The following FRMD4A variants were observed in gnomAD, a reference collection of about 807,000 sequenced individuals.
The protein encoded by FRMD4A is FERM domain containing 4A.
In FRMD4A, 29 loss-of-function variants were observed where a neutral mutation model predicts 129.1. That is an observed-to-expected ratio of 0.22 (90% confidence interval 0.17 to 0.31). The LOEUF is 0.31. Among genes scored for constraint, FRMD4A ranks in the 10% least tolerant of loss-of-function variants. The pLI is 1.00. For synonymous variants in FRMD4A, 634 were observed against 571.6 expected, an observed-to-expected ratio of 1.11 and a Z score of -1.56; for missense variants, 1,272 against 1,375.8, an observed-to-expected ratio of 0.92 and a Z score of 1.19.
At chr10:14,076,320 C>T (rs752462057) in intron 2 of FRMD4A, among the ~76,000 whole-genome samples, 2 of 152,144 alleles carry the variant, frequency 1.3e-5, no homozygotes, top group Non-Finnish European at 2.9e-5. Flanking sequence ...TTAAAGCCAT[C>T]ATGTAATGAA....
At position 14,158,731 on chromosome 10, in the gene FRMD4A, AG is replaced by A. The variant is rs143686512; in HGVS notation, c.45+171326del. Among the ~76,000 whole-genome samples, 545 of 150,530 alleles carry A rather than the reference AG, an allele frequency of 3.6e-3. 5 individuals carry two copies. The highest frequency in any genetic ancestry group is 0.034 in the East Asian group (175 of 5,096). On this transcript the variant is annotated intron_variant, in intron 2 of 24. Coordinates refer to ENST00000357447, the MANE Select transcript of FRMD4A (RefSeq NM_018027.5). The stretch of plus-strand genomic sequence containing the variant: ...AGGAGTAGGAGGAAGAGGAGGATGA[AG>A]AAGAGGAAAAGGAGGAGGAGGTGGA...
At chr10:14,055,459 AC>A (rs1834473304) in intron 2 of FRMD4A, among the ~76,000 whole-genome samples, 4,925 of 111,314 alleles carry the variant, frequency 0.044, 245 homozygotes, top group African/African-American at 0.17. Context: ...ACACACACAC[AC>A]AAACACACAC....
intron 22 of FRMD4A, chr10:13,655,986 T>C (rs1241383580): frequency 2.0e-5 from 3 of 152,142 alleles, no homozygotes; most frequent in Non-Finnish European, 4.4e-5. Context: ...CGCCCAATGC[T>C]CTTGAGTATG....
intron 2 of FRMD4A, among the ~76,000 whole-genome samples, chr10:13,897,330 TG>T (rs1278181226): frequency 6.6e-6 from 1 of 152,192 alleles, no homozygotes; most frequent in African/African-American, 2.4e-5. Flanking sequence ...CAGCAGGATT[TG>T]GAGAGCTGAA....
At chr10:13,866,281 C>T (rs773345385) in intron 2 of FRMD4A, 41 of 982,820 alleles carry the variant, frequency 4.2e-5, no homozygotes, top group Non-Finnish European at 4.7e-5. Context: ...ACGTCTTCCC[C>T]GAGCACAGTC....
intron 5 of FRMD4A, among the ~76,000 whole-genome samples, chr10:13,787,324 C>T (rs965452124): frequency 4.7e-4 from 71 of 152,292 alleles, no homozygotes; most frequent in African/African-American, 1.6e-3. Flanking sequence ...GAGTCAAAAA[C>T]GCCTGCAGAG....
chr10:13,841,600 T>C (rs1424872438), intron 3 of FRMD4A, among the ~76,000 whole-genome samples: 2 of 152,128 alleles, frequency 1.3e-5, no homozygotes, highest in East Asian at 1.9e-4. Context: ...AGCCTTCCCG[T>C]TGGTGAAAAG....
intron 5 of FRMD4A, among the ~76,000 whole-genome samples, chr10:13,792,386 A>C (rs1203332846): frequency 6.6e-6 from 1 of 152,088 alleles, no homozygotes; most frequent in Non-Finnish European, 1.5e-5. Flanking sequence ...AGGGATACAC[A>C]GGATCTCTTG....
intron 2 of FRMD4A, among the ~76,000 whole-genome samples, chr10:14,308,794 G>A (rs1564455229): frequency 6.6e-6 from 1 of 152,108 alleles, no homozygotes; most frequent in Non-Finnish European, 1.5e-5. Flanking sequence ...ATAATCACAT[G>A]GTACTTACAA....
At chr10:14,198,472 G>T (rs1054186479) in intron 2 of FRMD4A, among the ~76,000 whole-genome samples, 1 of 152,186 alleles carries the variant, frequency 6.6e-6, no homozygotes, top group Non-Finnish European at 1.5e-5. Context: ...AGTGTCCAGG[G>T]GGCCAGGAGG....
At chr10:14,250,732 C>T (rs896401614) in intron 2 of FRMD4A, among the ~76,000 whole-genome samples, 1 of 152,132 alleles carries the variant, frequency 6.6e-6, no homozygotes, top group Non-Finnish European at 1.5e-5. Context: ...ACATTTCCTA[C>T]CCCCAGGGAG....
At chr10:13,768,078 G>C (rs963663215) in intron 6 of FRMD4A, among the ~76,000 whole-genome samples, 5 of 123,976 alleles carry the variant, frequency 4.0e-5, no homozygotes, top group African/African-American at 1.5e-4. Flanking sequence ...CCGTCTGCAG[G>C]TATGTGTGTG....
At chr10:13,739,110 C>T (rs2090837228) in intron 11 of FRMD4A, among the ~76,000 whole-genome samples, 1 of 152,178 alleles carries the variant, frequency 6.6e-6, no homozygotes, top group South Asian at 2.1e-4. Context: ...GTCTGGAAAA[C>T]TTGAAACTGG....
chr10:13,666,442 G>A (rs925224466), intron 17 of FRMD4A, 117 bp from the exon 18 acceptor site: 6 of 681,478 alleles, frequency 8.8e-6, no homozygotes, highest in Admixed American at 2.5e-5. Flanking sequence ...CTTAAGAGTA[G>A]CCCCACTCCT....
chr10:14,273,725 T>C (rs1294595586), intron 2 of FRMD4A, among the ~76,000 whole-genome samples: 1 of 152,080 alleles, frequency 6.6e-6, no homozygotes, highest in Non-Finnish European at 1.5e-5. Flanking sequence ...GTCTCCAGGG[T>C]TCTTGTTTGC....
intron 2 of FRMD4A, among the ~76,000 whole-genome samples, chr10:14,153,992 G>T (rs936887971): frequency 6.6e-6 from 1 of 152,104 alleles, no homozygotes; most frequent in Non-Finnish European, 1.5e-5. Flanking sequence ...ACGGGGTCGC[G>T]GCTTCCTGCT....
intron 5 of FRMD4A, among the ~76,000 whole-genome samples, chr10:13,787,788 T>C (rs1231052340): frequency 6.6e-6 from 1 of 151,256 alleles, no homozygotes; most frequent in Non-Finnish European, 1.5e-5. Context: ...CTGGGCATAG[T>C]TTTTGGCCGG....
chr10:14,093,124 T>C (rs1283079502), intron 2 of FRMD4A, among the ~76,000 whole-genome samples: 3 of 152,190 alleles, frequency 2.0e-5, no homozygotes, highest in Admixed American at 6.5e-5. Flanking sequence ...GTGGAATGAC[T>C]GTGCCTGCCT....
intron 3 of FRMD4A, among the ~76,000 whole-genome samples, chr10:13,816,448 G>C (rs946736463): frequency 6.6e-6 from 1 of 152,168 alleles, no homozygotes; most frequent in Non-Finnish European, 1.5e-5. Flanking sequence ...AGAGACATTG[G>C]GGGTTGTTTG....
Sources: allele counts gnomAD v4.1 joint callset (sites outside exome capture counted in the v4.1 genomes callset), GRCh38; gene constraint gnomAD v4.1.1; transcripts MANE v1.5; gene names NCBI Gene and HGNC (gene_info 2026-07-23, HGNC 2026-07-21).